Variants in GRIK1 observed in about 807,000 individuals in gnomAD.
GRIK1 encodes the protein glutamate ionotropic receptor kainate type subunit 1.
A neutral mutation model predicts 105.7 loss-of-function variants in GRIK1; 69 were observed. The ratio of observed to expected loss-of-function variants is 0.65; its 90% confidence interval spans 0.54 to 0.80. The LOEUF is 0.80. GRIK1 is among the 30% of genes least tolerant of loss of function. The pLI is 0.00. For synonymous variants in GRIK1, 438 were observed against 431.3 expected (o/e 1.02, Z -0.19); for missense variants, 1,109 against 1,167.3 (o/e 0.95, Z 0.73).
intron 7 of GRIK1, among the ~76,000 whole-genome samples, chr21:29,613,556 T>A (rs1022073686): frequency 6.6e-6 from 1 of 152,218 alleles, no homozygotes; most frequent in African/African-American, 2.4e-5. Flanking sequence ...GGGGTCTGAT[T>A]ACAGTTCTGA....
chr21:29,583,654 A>G (rs186287131), intron 12 of GRIK1, among the ~76,000 whole-genome samples: 4 of 152,278 alleles, frequency 2.6e-5, no homozygotes, highest in Non-Finnish European at 5.9e-5. Flanking sequence ...AACTGTCTAA[A>G]CAGCAATGTG....
Position 29,705,773 on chromosome 21 carries a change from A to G in GRIK1, c.119-11710T>C, listed in dbSNP as rs181184386. 1.2e-3 allele frequency among the ~76,000 whole-genome samples: 177 copies of G among 152,300 alleles called. 2 individuals carry two copies. The highest frequency in any genetic ancestry group is 1.9e-3 in the Non-Finnish European group (131 of 68,030). ...TATGAAAAACAGCATCTTTTAATCA[A>G]TCGTATCTCACAGATATGTTGCAGG... On this transcript the variant is annotated intron_variant, in intron 1 of 17. Coordinates refer to ENST00000327783, the MANE Select transcript of GRIK1 (RefSeq NM_001330994.2).
At position 29,689,921 on chromosome 21, in the gene GRIK1, A is replaced by C. The variant is rs778900450; in HGVS notation, c.351T>G (p.Ser117Arg). 1 of 1,613,510 alleles carries C rather than the reference A, an allele frequency of 6.2e-7. No homozygotes were observed. Among genetic ancestry groups the C allele is most frequent in the Non-Finnish European group, 8.5e-7 (1 of 1,179,598 alleles). Residue 117 changes from serine to arginine, a missense_variant, in exon 3 of 18, where the codon AGT (serine) becomes AGG (arginine). Physicochemically the swap from Ser to Arg is moderately radical, Grantham distance 110. Coordinates refer to ENST00000327783, the MANE Select transcript of GRIK1 (RefSeq NM_001330994.2). ...LFGPSHSSSV[S>R]AVQSICNALE... ...GAGCATTGCAAATAGACTGCACAGC[A>C]CTGACGGAGGAGCTATGGGAAGGGC... is the stretch of plus-strand genomic sequence containing the variant.
intron 1 of GRIK1, among the ~76,000 whole-genome samples, chr21:29,737,240 G>A (rs564103917): frequency 6.6e-6 from 1 of 152,236 alleles, no homozygotes; most frequent in African/African-American, 2.4e-5. Context: ...CAGTAATTCT[G>A]GCTCTAACAT....
intron 1 of GRIK1, among the ~76,000 whole-genome samples, chr21:29,834,736 C>T (rs555169662): frequency 1.2e-3 from 186 of 150,980 alleles, no homozygotes; most frequent in African/African-American, 4.1e-3. Flanking sequence ...TTGCTTAGCA[C>T]ATTTCTGGCA....
chr21:29,740,534 C>G (rs781193328), intron 1 of GRIK1, among the ~76,000 whole-genome samples: 1 of 152,044 alleles, frequency 6.6e-6, no homozygotes, highest in Non-Finnish European at 1.5e-5. Flanking sequence ...AACTGAAATC[C>G]TCACAACCAC....
At chr21:29,874,044 G>C (rs919802876) in intron 1 of GRIK1, among the ~76,000 whole-genome samples, 2 of 152,280 alleles carry the variant, frequency 1.3e-5, no homozygotes, top group East Asian at 3.9e-4. Context: ...TCTGAGAGGA[G>C]GTGGAGCTCA....
chr21:29,770,358 C>T (rs113721096), intron 1 of GRIK1, among the ~76,000 whole-genome samples: 2,342 of 152,302 alleles, frequency 0.015, 61 homozygotes, highest in African/African-American at 0.054. Flanking sequence ...TGCTTCCTTC[C>T]ATATGTGACA....
intron 1 of GRIK1, among the ~76,000 whole-genome samples, chr21:29,695,462 A>G (rs1300756647): frequency 6.9e-6 from 1 of 144,522 alleles, no homozygotes; most frequent in African/African-American, 2.6e-5. Context: ...CTATCTATCT[A>G]TCTATCTATC....
rs1005822206 is a variant in GRIK1 at position 29,577,160 on chromosome 21, G to C, written c.1934C>G (p.Ala645Gly). ...CCCTCCAACTATTCTGGTCGATAGA[G>C]CTTTGGGCATCAGCTCTGATCCTGT... ...MQQGSELMPKALSTRIVGGIW... is the reference protein window; with the variant it reads ...MQQGSELMPKGLSTRIVGGIW... Residue 645 changes from alanine to glycine, a missense_variant, in exon 14 of 18, where the codon GCT (alanine) becomes GGT (glycine). Physicochemically the swap from Ala to Gly is moderately conservative, Grantham distance 60 (BLOSUM62 0). Transcript: ENST00000327783. 2 of 1,604,998 alleles carry C rather than the reference G, an allele frequency of 1.2e-6. No homozygotes were observed. Among genetic ancestry groups the C allele is most frequent in the Admixed American group, 1.7e-5 (1 of 59,984 alleles).
At chr21:29,748,869 A>C (rs2065111188) in intron 1 of GRIK1, 1 of 152,246 alleles carries the variant, frequency 6.6e-6, no homozygotes, top group South Asian at 2.1e-4. Flanking sequence ...AATGCAGATA[A>C]GAAAATTAAA....
intron 4 of GRIK1, among the ~76,000 whole-genome samples, chr21:29,658,067 A>C (rs756106210): frequency 2.0e-5 from 3 of 152,110 alleles, no homozygotes; most frequent in Non-Finnish European, 4.4e-5. Flanking sequence ...TGTATACTTT[A>C]TTAGGGCGGT....
At chr21:29,600,720 G>A (rs1037904392) in intron 7 of GRIK1, among the ~76,000 whole-genome samples, 4 of 152,202 alleles carry the variant, frequency 2.6e-5, no homozygotes, top group African/African-American at 9.7e-5. Flanking sequence ...CTTCAGGCAA[G>A]CTACTGAACT....
chr21:29,865,874 T>C (rs1274926613), intron 1 of GRIK1, among the ~76,000 whole-genome samples: 1 of 152,232 alleles, frequency 6.6e-6, no homozygotes, highest in African/African-American at 2.4e-5. Flanking sequence ...TATAAAGATC[T>C]TCACCATCGT....
At chr21:29,864,388 T>A (rs2068739824) in intron 1 of GRIK1, among the ~76,000 whole-genome samples, 2 of 152,178 alleles carry the variant, frequency 1.3e-5, no homozygotes, top group Non-Finnish European at 2.9e-5. Context: ...TTTCTCTGAA[T>A]TTTGACCTCT....
chr21:29,753,095 T>C lies in GRIK1; in HGVS notation c.119-59032A>G, dbSNP rs547758761. Among the ~76,000 whole-genome samples the C allele has an allele frequency of 2.6e-5, 4 of 152,318 alleles. No individual in the cohort carries two copies. In the South Asian group the frequency reaches 8.3e-4, roughly 32 times the overall value. ...TTTTTCTGGTGAGTGCATGCATGCA[T>C]GTGTGTGTGTTTTGAGTTTGCAAGC... On this transcript the variant is annotated intron_variant, in intron 1 of 17. Coordinates refer to ENST00000327783, the MANE Select transcript of GRIK1 (RefSeq NM_001330994.2).
intron 1 of GRIK1, among the ~76,000 whole-genome samples, chr21:29,854,152 T>C (rs1047553828): frequency 6.6e-6 from 1 of 152,046 alleles, no homozygotes; most frequent in African/African-American, 2.4e-5. Context: ...AGCTTCCACT[T>C]GTGGTAGAAG....
At chr21:29,938,866 A>G (rs2146388982) in intron 1 of GRIK1, among the ~76,000 whole-genome samples, 1 of 152,248 alleles carries the variant, frequency 6.6e-6, no homozygotes, top group Non-Finnish European at 1.5e-5. Flanking sequence ...CTTAGGCATA[A>G]AAACTTGGAG....
chr21:29,637,100 A>G (rs558304639), intron 7 of GRIK1, among the ~76,000 whole-genome samples: 42 of 152,330 alleles, frequency 2.8e-4, no homozygotes, highest in African/African-American at 9.6e-4. Context: ...CACTGAGATT[A>G]TAGACAAATG....
Sources: gnomAD v4.1 joint callset for allele counts (sites outside exome capture counted in the v4.1 genomes callset) on GRCh38, gnomAD v4.1.1 for gene constraint, MANE v1.5 for transcripts, NCBI Gene and HGNC (gene_info 2026-07-23, HGNC 2026-07-21) for gene names.